Variants in SIPA1L1 observed in about 807,000 individuals in gnomAD.
The protein encoded by SIPA1L1 is signal induced proliferation associated 1 like 1, also known as signal-induced proliferation-associated 1-like protein 1.
Under a neutral mutation model 162.7 loss-of-function variants are expected in SIPA1L1, and 26 were observed. That is an observed-to-expected ratio of 0.16 (90% CI 0.12 to 0.22). The LOEUF (loss-of-function observed/expected upper bound fraction) is 0.22. SIPA1L1 is among the 10% of genes least tolerant of loss of function. The pLI is 1.00. For synonymous variants in SIPA1L1, 829 were observed against 837.4 expected (o/e 0.99, Z 0.17); for missense variants, 1,874 against 2,241.0 (o/e 0.84, Z 3.31).
chr14:71,493,579 A>C (rs574656151), intron 2 of SIPA1L1, among the ~76,000 whole-genome samples: 39 of 152,340 alleles, frequency 2.6e-4, no homozygotes, highest in Admixed American at 2.0e-4. Flanking sequence ...ACAACAAAAA[A>C]AGTATTTTGA....
At chr14:71,714,573 C>T (rs899503790) in intron 17 of SIPA1L1, among the ~76,000 whole-genome samples, 3 of 122,644 alleles carry the variant, frequency 2.4e-5, no homozygotes, top group African/African-American at 1.1e-4. Flanking sequence ...AGAGATTTCA[C>T]AGCTTTTCTC....
At chr14:71,644,777 A>G (rs1343505628) in intron 7 of SIPA1L1, among the ~76,000 whole-genome samples, 1 of 152,188 alleles carries the variant, frequency 6.6e-6, no homozygotes, top group Non-Finnish European at 1.5e-5. Context: ...GTCAGGAAAT[A>G]CTGTGAGTTG....
intron 4 of SIPA1L1, among the ~76,000 whole-genome samples, chr14:71,565,090 T>C (rs911852344): frequency 2.0e-5 from 3 of 152,212 alleles, no homozygotes; most frequent in African/African-American, 7.2e-5. Context: ...CTCTTTTCTA[T>C]TTGTTAATAT....
chr14:71,331,053 T>G (rs1441110364), intron 2 of SIPA1L1, among the ~76,000 whole-genome samples: 1 of 152,246 alleles, frequency 6.6e-6, no homozygotes, highest in Non-Finnish European at 1.5e-5. Context: ...ATTTAGGTCT[T>G]TAGTCCATTT....
At chr14:71,351,945 TAAAC>T (rs1353235225) in intron 2 of SIPA1L1, among the ~76,000 whole-genome samples, 2 of 151,110 alleles carry the variant, frequency 1.3e-5, no homozygotes, top group Admixed American at 1.3e-4. Context: ...AGCCAGACAG[TAAAC>T]AACATAAGTT....
chr14:71,429,653 T>C lies in SIPA1L1; in HGVS notation c.-464-83090T>C, dbSNP rs1040307548. ...TATGCAGTTGTCAGGTCATGGGATATTGTAATAGACACTCTCGAATTGCTT... is the reference window on the plus strand; with the variant it reads ...TATGCAGTTGTCAGGTCATGGGATACTGTAATAGACACTCTCGAATTGCTT... On this transcript the variant is annotated intron_variant, in intron 2 of 23. Transcript: ENST00000381232. 2.0e-5 allele frequency among the ~76,000 whole-genome samples: 3 copies of C among 152,322 alleles called. No individual in the cohort carries two copies. The South Asian group carries it at 6.2e-4, about 32-fold the overall frequency.
intron 13 of SIPA1L1, among the ~76,000 whole-genome samples, chr14:71,686,003 T>C (rs1482533248): frequency 6.6e-6 from 1 of 152,176 alleles, no homozygotes; most frequent in Non-Finnish European, 1.5e-5. Flanking sequence ...TCCGAAATGA[T>C]GATATAAGAG....
intron 2 of SIPA1L1, among the ~76,000 whole-genome samples, chr14:71,400,358 A>G (rs561252261): frequency 1.3e-5 from 2 of 152,338 alleles, no homozygotes; most frequent in African/African-American, 4.8e-5. Context: ...GCATCCACAT[A>G]AACCATCTCG....
chr14:71,403,333 C>T (rs1265933247), intron 2 of SIPA1L1, among the ~76,000 whole-genome samples: 2 of 152,134 alleles, frequency 1.3e-5, no homozygotes, highest in African/African-American at 4.8e-5. Context: ...GGCGCGGTGG[C>T]TCACGCCTGT....
chr14:71,700,994 CAAAAAAAAAAAAAAAAAAAAAAAAAAAAA>C (rs539293669), intron 14 of SIPA1L1, among the ~76,000 whole-genome samples: 1 of 51,736 alleles, frequency 1.9e-5, no homozygotes, highest in Non-Finnish European at 3.4e-5. Context: ...GACTCCGTCT[CAAAAAAAAAAAAAAAAAAAAAAAAAAAAA>C]AAAAAAAAAA....
intron 4 of SIPA1L1, among the ~76,000 whole-genome samples, chr14:71,567,351 A>G (rs138228937): frequency 3.3e-4 from 50 of 152,378 alleles, no homozygotes; most frequent in African/African-American, 1.2e-3. Context: ...TTGGAAATCT[A>G]GACATCAGTC....
chr14:71,614,118 T>G (rs1475100325), intron 5 of SIPA1L1, among the ~76,000 whole-genome samples: 1 of 151,806 alleles, frequency 6.6e-6, no homozygotes, highest in Non-Finnish European at 1.5e-5. Flanking sequence ...GAGAATTGCT[T>G]GAACAATTGA....
At chr14:71,337,993 C>T (rs2035267376) in intron 2 of SIPA1L1, among the ~76,000 whole-genome samples, 1 of 152,084 alleles carries the variant, frequency 6.6e-6, no homozygotes, top group African/African-American at 2.4e-5. Flanking sequence ...TCATTTGTTG[C>T]TTTATCACTC....
chr14:71,494,527 T>TC (rs1184939881), intron 2 of SIPA1L1, among the ~76,000 whole-genome samples: 2 of 149,172 alleles, frequency 1.3e-5, no homozygotes, highest in African/African-American at 4.9e-5. Context: ...TCTTTTCTTT[T>TC]TTTTTTTTTT....
At chr14:71,491,857 T>C (rs924338182) in intron 2 of SIPA1L1, among the ~76,000 whole-genome samples, 7 of 145,738 alleles carry the variant, frequency 4.8e-5, no homozygotes, top group African/African-American at 7.6e-5. Flanking sequence ...ATTTGTAGGC[T>C]ACATTTTCAG....
chr14:71,443,714 T>G (rs2045109489), intron 2 of SIPA1L1, among the ~76,000 whole-genome samples: 1 of 152,268 alleles, frequency 6.6e-6, no homozygotes, highest in Admixed American at 6.5e-5. Flanking sequence ...GAATTTAGAC[T>G]TTTAAAACCC....
At chr14:71,345,551 A>G (rs1335551151) in intron 2 of SIPA1L1, among the ~76,000 whole-genome samples, 1 of 150,742 alleles carries the variant, frequency 6.6e-6, no homozygotes, top group Non-Finnish European at 1.5e-5. Context: ...TGTCTTTGCA[A>G]CTTGATTTTT....
intron 2 of SIPA1L1, among the ~76,000 whole-genome samples, chr14:71,480,481 G>A (rs1433142952): frequency 1.3e-5 from 2 of 150,212 alleles, no homozygotes; most frequent in African/African-American, 2.4e-5. Context: ...GAAGAAGTCA[G>A]CCGTGCACAG....
At chr14:71,528,528 G>A (rs1326382607) in intron 3 of SIPA1L1, among the ~76,000 whole-genome samples, 1 of 151,934 alleles carries the variant, frequency 6.6e-6, no homozygotes, top group African/African-American at 2.4e-5. Flanking sequence ...GATGGTGCGC[G>A]CCTCTAGTTC....
Sources: allele counts gnomAD v4.1 joint callset (sites outside exome capture counted in the v4.1 genomes callset), GRCh38; gene constraint gnomAD v4.1.1; transcripts MANE v1.5; gene names NCBI Gene and HGNC (gene_info 2026-07-23, HGNC 2026-07-21).